LMO7: variants seen among roughly 807,000 people sequenced by gnomAD.
LMO7 encodes LIM domain only protein 7.
Under a neutral mutation model 206.5 loss-of-function variants are expected in LMO7, and 120 were observed. The ratio of observed to expected loss-of-function variants is 0.58; its 90% CI spans 0.50 to 0.68. The LOEUF (loss-of-function observed/expected upper bound fraction) is 0.68, where lower values mean the gene tolerates loss of function less well. Among genes scored for constraint, LMO7 ranks in the 30% least tolerant of loss-of-function variants. The pLI, the probability that LMO7 is intolerant of heterozygous loss-of-function variation, is 0.00. For synonymous variants in LMO7, 706 were observed against 681.5 expected, an observed-to-expected ratio of 1.04 and a Z score of -0.56; for missense variants, 1,959 against 1,957.9, an observed-to-expected ratio of 1.00 and a Z score of -0.01.
chr13:75,662,285 A>T (rs1046067002), intron 1 of LMO7, among the ~76,000 whole-genome samples: 2 of 152,198 alleles, frequency 1.3e-5, no homozygotes. Context: ...ACCTCTGGCT[A>T]GGGCGAATGT....
At chr13:75,827,064 C>A (rs1352708547) in intron 15 of LMO7, among the ~76,000 whole-genome samples, 2 of 152,148 alleles carry the variant, frequency 1.3e-5, no homozygotes, top group Non-Finnish European at 2.9e-5. Flanking sequence ...AAACTTCTTA[C>A]CCTTGAAAAG....
chr13:75,812,962 G>T (rs891906027), intron 11 of LMO7, among the ~76,000 whole-genome samples: 1 of 152,126 alleles, frequency 6.6e-6, no homozygotes, highest in Non-Finnish European at 1.5e-5. Context: ...GCTATCTTTG[G>T]TACTTATCTC....
At chr13:75,844,252 C>G (rs749093207) in intron 25 of LMO7, among the ~76,000 whole-genome samples, 1 of 151,914 alleles carries the variant, frequency 6.6e-6, no homozygotes, top group Non-Finnish European at 1.5e-5. Flanking sequence ...AAATTATTCA[C>G]AAGTGCAGCT....
intron 27 of LMO7, 98 bp from the exon 28 acceptor site, chr13:75,852,994 A>G (rs2060616811): frequency 3.0e-6 from 3 of 995,676 alleles, no homozygotes; most frequent in Non-Finnish European, 4.4e-6. Context: ...TCCACATATA[A>G]AATATAAAAA....
intron 2 of LMO7, among the ~76,000 whole-genome samples, chr13:75,713,517 G>T (rs148269409): frequency 1.3e-5 from 2 of 152,264 alleles, no homozygotes; most frequent in African/African-American, 4.8e-5. Flanking sequence ...TGCATGGTGG[G>T]CCAGTGGGGG....
chr13:75,728,981 C>T (rs575237084), intron 3 of LMO7, among the ~76,000 whole-genome samples: 2 of 152,132 alleles, frequency 1.3e-5, no homozygotes, highest in East Asian at 3.9e-4. Flanking sequence ...TTCCATTGGT[C>T]TATATCTCTG....
intron 11 of LMO7, among the ~76,000 whole-genome samples, chr13:75,810,929 T>C (rs2056303436): frequency 6.6e-6 from 1 of 152,224 alleles, no homozygotes; most frequent in South Asian, 2.1e-4. Context: ...TATCCCAAGA[T>C]AGTTGTTTCG....
intron 4 of LMO7, among the ~76,000 whole-genome samples, chr13:75,775,754 T>C (rs1340967444): frequency 6.6e-6 from 1 of 151,878 alleles, no homozygotes; most frequent in Non-Finnish European, 1.5e-5. Flanking sequence ...CACAATGAGA[T>C]ACCTTATACC....
chr13:75,696,676 C>G (rs1594342719), intron 1 of LMO7, among the ~76,000 whole-genome samples: 3 of 152,186 alleles, frequency 2.0e-5, no homozygotes, highest in Middle Eastern at 6.8e-3. Flanking sequence ...CATTATTTGC[C>G]CCAAGCTTCC....
chr13:75,812,996 G>C (rs1179172425), intron 11 of LMO7, among the ~76,000 whole-genome samples: 1 of 152,214 alleles, frequency 6.6e-6, no homozygotes, highest in Non-Finnish European at 1.5e-5. Context: ...CGACAGATAG[G>C]GATGTGGAGA....
At chr13:75,633,840 CCTTTTTT>C (rs1252967275), upstream of LMO7, among the ~76,000 whole-genome samples, 64 of 111,250 alleles carry the variant, frequency 5.8e-4, 1 homozygote, top group Middle Eastern at 0.013. Context: ...CGTGTCTTTT[CCTTTTTT>C]TTTTTTTTTT....
At chr13:75,622,384 G>A (rs565961913) in intron 1 of LMO7, 1 of 152,250 alleles carries the variant, frequency 6.6e-6, no homozygotes, top group African/African-American at 2.4e-5. Context: ...AAGGTGGTAA[G>A]TGCATGCAGA....
chr13:75,653,185 GA>G (rs1239392754), intron 1 of LMO7, among the ~76,000 whole-genome samples: 1 of 152,130 alleles, frequency 6.6e-6, no homozygotes, highest in African/African-American at 2.4e-5. Flanking sequence ...GGAAAAAAAA[GA>G]AAGTTAACAT....
chr13:75,664,240 A>G (rs1575478), intron 1 of LMO7, among the ~76,000 whole-genome samples: 28,422 of 152,104 alleles, frequency 0.19, 3,450 homozygotes, highest in Admixed American at 0.34. Flanking sequence ...AATAAATATT[A>G]ATTTATAAAA....
intron 27 of LMO7, among the ~76,000 whole-genome samples, chr13:75,851,982 A>G (rs1319820962): frequency 6.6e-6 from 1 of 152,202 alleles, no homozygotes; most frequent in African/African-American, 2.4e-5. Context: ...TCTTAGTGTT[A>G]TGAAGATTCA....
At chr13:75,773,732 A>G (rs749051421) in intron 4 of LMO7, among the ~76,000 whole-genome samples, 3 of 151,936 alleles carry the variant, frequency 2.0e-5, no homozygotes. Flanking sequence ...ATGTGACAGT[A>G]GAACATTCAA....
At chr13:75,727,796 C>A (rs1392268988) in intron 3 of LMO7, among the ~76,000 whole-genome samples, 2 of 143,472 alleles carry the variant, frequency 1.4e-5, no homozygotes, top group Admixed American at 1.4e-4. Context: ...CCACAACAGT[C>A]CCCAGAGTGT....
At position 75,638,871 on chromosome 13, in the gene LMO7, A is replaced by T. The variant is rs567309286; in HGVS notation, c.69+2145A>T. Among the ~76,000 whole-genome samples the T allele has an allele frequency of 5.3e-5, 8 of 152,204 alleles. No individual in the cohort carries two copies. The South Asian group carries it at 1.5e-3, about 28-fold the overall frequency. On this transcript the variant is annotated intron_variant, in intron 1 of 30. Coordinates refer to ENST00000377534, the MANE Select transcript of LMO7 (RefSeq NM_001306080.2). ...AATCTGAAGATAAAAGGTTGATTCC[A>T]ATGTGTATTTGTAAAGTATTCTTTC...
At chr13:75,644,390 A>G (rs979814433) in intron 1 of LMO7, among the ~76,000 whole-genome samples, 1 of 152,192 alleles carries the variant, frequency 6.6e-6, no homozygotes, top group Non-Finnish European at 1.5e-5. Context: ...CTTAGTCATT[A>G]TACTCTGCTG....
Sources: allele counts gnomAD v4.1 joint callset (sites outside exome capture counted in the v4.1 genomes callset), GRCh38; gene constraint gnomAD v4.1.1; transcripts MANE v1.5; gene names NCBI Gene and HGNC (gene_info 2026-07-23, HGNC 2026-07-21).